LMNTD1: variants seen among roughly 807,000 people sequenced by gnomAD.
LMNTD1 encodes lamin tail domain-containing protein 1.
LMNTD1 carries 35 observed loss-of-function variants against 50.9 expected under a neutral mutation model. The ratio of observed to expected loss-of-function variants is 0.69; its 90% CI spans 0.53 to 0.91. The LOEUF is 0.91. Among genes scored for constraint, LMNTD1 ranks in the 40% least tolerant of loss-of-function variants. LMNTD1 has a pLI of 0.00. For missense variants in LMNTD1, 470 were observed against 475.5 expected (o/e 0.99, Z 0.11); for synonymous variants, 153 against 161.9 (o/e 0.94, Z 0.42).
chr12:25,594,114 G>T (rs763726514), intron 1 of LMNTD1, among the ~76,000 whole-genome samples: 1 of 152,184 alleles, frequency 6.6e-6, no homozygotes, highest in Non-Finnish European at 1.5e-5. Context: ...AGGAAGAAGA[G>T]AAATCTAAAA....
chr12:25,637,941 C>T (rs992561422), intron 1 of LMNTD1, among the ~76,000 whole-genome samples: 1 of 151,944 alleles, frequency 6.6e-6, no homozygotes, highest in African/African-American at 2.4e-5. Context: ...CACATATATG[C>T]AAAAATGCTC....
intron 1 of LMNTD1, among the ~76,000 whole-genome samples, chr12:25,565,131 G>A (rs1018743552): frequency 6.6e-6 from 1 of 151,818 alleles, no homozygotes. Flanking sequence ...TATTCATGAA[G>A]TGTGTTTCAG....
intron 9 of LMNTD1, among the ~76,000 whole-genome samples, chr12:25,493,249 C>T (rs1375666903): frequency 6.6e-6 from 1 of 151,984 alleles, no homozygotes; most frequent in African/African-American, 2.4e-5. Flanking sequence ...AATAGATGCT[C>T]AAAAAATATC....
intron 1 of LMNTD1, among the ~76,000 whole-genome samples, chr12:25,561,333 G>C (rs1181120352): frequency 6.6e-6 from 1 of 152,138 alleles, no homozygotes; most frequent in Non-Finnish European, 1.5e-5. Flanking sequence ...AGAGATTCTG[G>C]TTCATTGTGT....
intron 4 of LMNTD1, among the ~76,000 whole-genome samples, chr12:25,537,037 A>C (rs1678571): frequency 0.67 from 100,167 of 149,272 alleles, 33,613 homozygotes; most frequent in Admixed American, 0.73. Flanking sequence ...AAAAACGGCG[A>C]ACCACGAGAT....
At chr12:25,578,372 T>C (rs1933961033) in intron 1 of LMNTD1, among the ~76,000 whole-genome samples, 1 of 152,214 alleles carries the variant, frequency 6.6e-6, no homozygotes, top group Admixed American at 6.5e-5. Context: ...GTGGCACCAG[T>C]AAGTGAGAAT....
chr12:25,539,406 C>T (rs372634774), intron 4 of LMNTD1, among the ~76,000 whole-genome samples: 21 of 151,812 alleles, frequency 1.4e-4, no homozygotes, highest in East Asian at 5.8e-4. Context: ...AACTAGAACT[C>T]AGGATTAAGA....
chr12:25,508,738 G>C (rs151116085), intron 8 of LMNTD1, among the ~76,000 whole-genome samples: 2 of 152,138 alleles, frequency 1.3e-5, no homozygotes, highest in Non-Finnish European at 1.5e-5. Flanking sequence ...ATGTTGAATA[G>C]AAGTCATCAT....
chr12:25,537,135 C>T (rs1396563708), intron 4 of LMNTD1, among the ~76,000 whole-genome samples: 1 of 152,224 alleles, frequency 6.6e-6, no homozygotes, highest in Non-Finnish European at 1.5e-5. Context: ...TGCAAGGCAG[C>T]AGCGAGGCTG....
At chr12:25,607,882 A>G (rs1311302174) in intron 1 of LMNTD1, among the ~76,000 whole-genome samples, 2 of 152,058 alleles carry the variant, frequency 1.3e-5, no homozygotes, top group Admixed American at 1.3e-4. Context: ...CAGGTCCTGG[A>G]TATCCTTGTT....
At chr12:25,574,576 C>T (rs1944924811) in intron 1 of LMNTD1, among the ~76,000 whole-genome samples, 1 of 152,134 alleles carries the variant, frequency 6.6e-6, no homozygotes, top group African/African-American at 2.4e-5. Flanking sequence ...TCATCTCTTT[C>T]ATAAAGTATT....
intron 1 of LMNTD1, among the ~76,000 whole-genome samples, chr12:25,625,859 C>T (rs932748391): frequency 6.6e-6 from 1 of 152,184 alleles, no homozygotes; most frequent in African/African-American, 2.4e-5. Flanking sequence ...GTGGTGGCCT[C>T]CTGCCACCTG....
chr12:25,576,539 T>C (rs1288257631), intron 1 of LMNTD1, among the ~76,000 whole-genome samples: 5 of 152,208 alleles, frequency 3.3e-5, no homozygotes, highest in African/African-American at 1.2e-4. Flanking sequence ...GATGGGGTTG[T>C]TTGATTTTTT....
chr12:25,579,842 C>T (rs79074503), intron 1 of LMNTD1, among the ~76,000 whole-genome samples: 2,908 of 152,156 alleles, frequency 0.019, 68 homozygotes, highest in African/African-American at 0.059. Flanking sequence ...AGACTCCAAT[C>T]GCATCTCTCC....
chr12:25,576,817 G>T (rs1174065933), intron 1 of LMNTD1, among the ~76,000 whole-genome samples: 2 of 151,918 alleles, frequency 1.3e-5, no homozygotes, highest in Non-Finnish European at 1.5e-5. Context: ...GGGTTTTTAT[G>T]GTTTTAGGTC....
chr12:25,591,651 G>A (rs1452523837), intron 1 of LMNTD1, among the ~76,000 whole-genome samples: 1 of 152,048 alleles, frequency 6.6e-6, no homozygotes, highest in Non-Finnish European at 1.5e-5. Flanking sequence ...AAAGCTCTGG[G>A]GCCTTTAGCA....
At chr12:25,514,560 A>C (rs1320632989) in intron 8 of LMNTD1, among the ~76,000 whole-genome samples, 1 of 2,246 alleles carries the variant, frequency 4.5e-4, no homozygotes, top group Non-Finnish European at 0.017. Context: ...TAATGGATAC[A>C]AAAAAAAAAA....
At chr12:25,582,328 A>C (rs1945325402) in intron 1 of LMNTD1, 1 of 152,208 alleles carries the variant, frequency 6.6e-6, no homozygotes, top group African/African-American at 2.4e-5. Flanking sequence ...GCTCACTTCC[A>C]AGCTTATCAT....
At chr12:25,629,259 C>G (rs1946662412) in intron 1 of LMNTD1, among the ~76,000 whole-genome samples, 1 of 152,148 alleles carries the variant, frequency 6.6e-6, no homozygotes, top group Admixed American at 6.5e-5. Flanking sequence ...CGGTTTCTCA[C>G]AGAGTGGCCC....
Sources: gnomAD v4.1 joint callset for allele counts (sites outside exome capture counted in the v4.1 genomes callset) on GRCh38, gnomAD v4.1.1 for gene constraint, MANE v1.5 for transcripts, NCBI Gene and HGNC (gene_info 2026-07-23, HGNC 2026-07-21) for gene names.